The following RUBCN variants were observed in gnomAD, a reference collection of about 807,000 sequenced individuals.
RUBCN encodes run domain Beclin-1-interacting and cysteine-rich domain-containing protein.
Under a neutral mutation model 113.2 loss-of-function variants are expected in RUBCN, and 74 were observed. The ratio of observed to expected loss-of-function variants is 0.65; its 90% CI spans 0.54 to 0.79. RUBCN has a LOEUF of 0.79. Ranked by LOEUF, RUBCN falls within the 30% of genes least tolerant of loss-of-function variation. The probability of loss-of-function intolerance (pLI) is 0.00; values close to 1 mark genes in which losing one functional copy is unlikely to be tolerated. For synonymous variants in RUBCN, 480 were observed against 490.0 expected (o/e 0.98, Z 0.27); for missense variants, 1,109 against 1,251.7 (o/e 0.89, Z 1.72).
At chr3:197,725,518 ATC>A (rs1203676631) in intron 1 of RUBCN, among the ~76,000 whole-genome samples, 1 of 120,864 alleles carries the variant, frequency 8.3e-6, no homozygotes, top group Non-Finnish European at 1.7e-5. Context: ...TGACAGGAGA[ATC>A]TTTTTTTTTT....
chr3:197,691,108 G>A (rs1159361359), intron 11 of RUBCN: 10 of 1,289,420 alleles, frequency 7.8e-6, no homozygotes, highest in African/African-American at 6.1e-5. Context: ...CTGACAGTCC[G>A]TTCTTTGATA....
intron 10 of RUBCN, 23 bp from the exon 11 acceptor site, chr3:197,693,839 G>A: frequency 6.6e-7 from 1 of 1,518,390 alleles, no homozygotes; most frequent in South Asian, 1.1e-5. Context: ...AAAACAAAAA[G>A]GAATAAACAG....
At chr3:197,737,684 A>AT (rs915743885), upstream of RUBCN, among the ~76,000 whole-genome samples, 3 of 152,098 alleles carry the variant, frequency 2.0e-5, no homozygotes, top group African/African-American at 4.8e-5. Context: ...TATGCAAATC[A>AT]AGAAGTGATT....
At chr3:197,692,928 T>C (rs964832252) in intron 11 of RUBCN, among the ~76,000 whole-genome samples, 7 of 152,238 alleles carry the variant, frequency 4.6e-5, no homozygotes, top group Admixed American at 1.3e-4. Context: ...GAATTATAGA[T>C]ACAGTTCACC....
In RUBCN at chr3:197,707,047, AGCGTGT is replaced by A. The variant is rs1196046702; in HGVS notation, c.220-1878_220-1873del. ...TTGGTTACATCATTTTTAAGTGAAA[AGCGTGT>A]AAAATTGTGGCCGGGCGCGGTGGCT... On this transcript the variant is annotated intron_variant, in intron 2 of 19. Transcript: ENST00000296343. Among the ~76,000 whole-genome samples, 26 of 151,276 alleles carry A rather than the reference AGCGTGT, an allele frequency of 1.7e-4. 2 individuals carry two copies. Among genetic ancestry groups the A allele is most frequent in the African/African-American group, 6.4e-4 (26 of 40,580 alleles).
intron 16 of RUBCN, among the ~76,000 whole-genome samples, chr3:197,680,040 G>A (rs1321104599): frequency 1.3e-5 from 2 of 149,766 alleles, no homozygotes; most frequent in African/African-American, 4.9e-5. Context: ...ACTGTCCTAC[G>A]CTCTGACAAC....
chr3:197,708,086 AAAAG>A (rs1489805383), intron 2 of RUBCN, among the ~76,000 whole-genome samples: 2 of 152,202 alleles, frequency 1.3e-5, no homozygotes, highest in Non-Finnish European at 2.9e-5. Flanking sequence ...TTTACATAAA[AAAAG>A]AATGTTTAGC....
intron 2 of RUBCN, among the ~76,000 whole-genome samples, chr3:197,713,936 G>A (rs571500803): frequency 6.6e-6 from 1 of 152,062 alleles, no homozygotes; most frequent in Admixed American, 6.6e-5. Flanking sequence ...AATTAGCCGG[G>A]CGTGGTGGCG....
At chr3:197,701,577 T>C (rs1723674726) in intron 6 of RUBCN, 131 bp downstream of exon 6, 1 of 765,714 alleles carries the variant, frequency 1.3e-6, no homozygotes, top group African/African-American at 1.7e-5. Context: ...ATATAACTTG[T>C]AAAGATGTCC....
rs543649204 is a variant in RUBCN, at chr3:197,677,621, A to ACC, written c.2431-81_2431-80insGG. On this transcript the variant is annotated intron_variant, in intron 16 of 19. Coordinates refer to ENST00000296343, the MANE Select transcript of RUBCN (RefSeq NM_014687.4). ...CAGTGTGGGAAGCCCAGGGCCTTTA[A>ACC]ACCCTGGGGTTCTAGAAGCCTTGCA... 5.9e-3 allele frequency: 7,773 copies of ACC among 1,308,204 alleles called. 54 individuals are homozygous for ACC. The highest frequency in any genetic ancestry group is 0.019 in the South Asian group (1,602 of 84,748). 81.0% of individuals were successfully genotyped at this position (1,308,204 alleles called of 1,614,324 possible).
chr3:197,720,433 ACT>A (rs1441623170), intron 1 of RUBCN, among the ~76,000 whole-genome samples: 6 of 151,036 alleles, frequency 4.0e-5, no homozygotes, highest in Admixed American at 1.3e-4. Flanking sequence ...TTTAAGACAG[ACT>A]CTCACTCTGT....
chr3:197,693,317 G>T (rs151161213), intron 11 of RUBCN, among the ~76,000 whole-genome samples: 162 of 152,280 alleles, frequency 1.1e-3, no homozygotes, highest in Middle Eastern at 6.8e-3. Flanking sequence ...TGCCCCCAAT[G>T]ATTCTTTTTG....
At chr3:197,735,605 T>C (rs9854948) in intron 1 of RUBCN, among the ~76,000 whole-genome samples, 17,073 of 152,192 alleles carry the variant, frequency 0.11, 1,167 homozygotes, top group African/African-American at 0.18. Context: ...GCTTTTTGTT[T>C]TTTGAAGACA....
At chr3:197,719,253 G>C (rs1294710294) in intron 1 of RUBCN, among the ~76,000 whole-genome samples, 1 of 152,062 alleles carries the variant, frequency 6.6e-6, no homozygotes, top group Admixed American at 6.6e-5. Context: ...GAGGCGGGTG[G>C]ATCACCTGAG....
chr3:197,740,786 A>G (rs980558782), upstream of RUBCN, among the ~76,000 whole-genome samples: 13 of 151,792 alleles, frequency 8.6e-5, no homozygotes, highest in African/African-American at 2.9e-4. Flanking sequence ...ACGCCCAGTT[A>G]GTTTTTATAT....
chr3:197,733,869 G>C (rs912983911), intron 1 of RUBCN, among the ~76,000 whole-genome samples: 2 of 152,220 alleles, frequency 1.3e-5, no homozygotes, highest in African/African-American at 4.8e-5. Context: ...TGGCCTGAAT[G>C]ACAGGCACAG....
upstream of RUBCN, among the ~76,000 whole-genome samples, chr3:197,739,219 G>C (rs2109020284): frequency 6.6e-6 from 1 of 151,262 alleles, no homozygotes; most frequent in African/African-American, 2.4e-5. Flanking sequence ...GGGATTACAG[G>C]CGTACTAAAA....
intron 1 of RUBCN, among the ~76,000 whole-genome samples, chr3:197,730,506 G>C (rs1213830337): frequency 6.6e-6 from 1 of 151,904 alleles, no homozygotes; most frequent in African/African-American, 2.4e-5. Flanking sequence ...CCCAGAGACA[G>C]AGACAAATTC....
chr3:197,674,731 C>A lies in RUBCN; in HGVS notation c.*287G>T. 1 of 480,576 alleles carries A rather than the reference C, an allele frequency of 2.1e-6. No individual in the cohort carries two copies. Among genetic ancestry groups the A allele is most frequent in the Non-Finnish European group, 3.7e-6 (1 of 268,490 alleles). The allele number at this position is 480,576 out of a possible 1,614,324, so 29.8% of individuals were successfully genotyped here. A position where few individuals can be genotyped will look rare whatever the true frequency, so the allele number is the denominator to read the frequency against. On this transcript the variant is annotated 3_prime_UTR_variant, in exon 20 of 20. Coordinates refer to ENST00000296343, the MANE Select transcript of RUBCN (RefSeq NM_014687.4). ...GAAGAACTTGGTCTTGCTGTCTCTT[C>A]CACTGACAGAGGCACTAGAAGCTTC...
Sources: allele counts gnomAD v4.1 joint callset (sites outside exome capture counted in the v4.1 genomes callset), GRCh38; gene constraint gnomAD v4.1.1; transcripts MANE v1.5; gene names NCBI Gene and HGNC (gene_info 2026-07-23, HGNC 2026-07-21).